Variants in CCDC88B observed in about 807,000 individuals in gnomAD.
The protein encoded by CCDC88B is coiled-coil domain-containing protein 88B.
In CCDC88B, 138 loss-of-function variants were observed where a neutral mutation model predicts 183.7. The ratio of observed to expected loss-of-function variants is 0.75; its 90% CI spans 0.65 to 0.87. The LOEUF (loss-of-function observed/expected upper bound fraction) is 0.87. Ranked by LOEUF, CCDC88B falls within the 40% of genes least tolerant of loss-of-function variation. The pLI, the probability that CCDC88B is intolerant of heterozygous loss-of-function variation, is 0.00. For missense variants in CCDC88B, 1,822 were observed against 1,965.6 expected, an observed-to-expected ratio of 0.93 and a Z score of 1.38; for synonymous variants, 835 against 867.5, an observed-to-expected ratio of 0.96 and a Z score of 0.66.
At chr11:64,345,355 C>T (rs989586848) in intron 14 of CCDC88B, among the ~76,000 whole-genome samples, 198 bp downstream of exon 14, 8 of 152,096 alleles carry the variant, frequency 5.3e-5, no homozygotes, top group Admixed American at 1.3e-4. Context: ...GTGATGGGGG[C>T]GCTGTGGGAG....
chr11:64,352,247 G>A lies in CCDC88B; in HGVS notation c.3217G>A (p.Ala1073Thr). The A allele has an allele frequency of 6.2e-7, 1 of 1,605,752 alleles. No homozygotes were observed. Among genetic ancestry groups the A allele is most frequent in the South Asian group, 1.1e-5 (1 of 90,330 alleles). ...GGAGGAGACCCGCGGGCAGCAGCAG[G>A]CCCTGCTTCGGGACCACAAGGCCCT... ...SQEETRGQQQ[A>T]LLRDHKALAQ... Residue 1073 changes from alanine to threonine, a missense_variant, in exon 19 of 27, where the codon GCC becomes ACC. By Grantham distance (58) the Ala-to-Thr change is moderately conservative. Coordinates refer to ENST00000356786, the MANE Select transcript of CCDC88B (RefSeq NM_032251.6).
At position 64,341,296 on chromosome 11, in the gene CCDC88B, G is replaced by A. The variant is rs567118296; in HGVS notation, c.415G>A (p.Val139Ile). 3.7e-6 allele frequency: 6 copies of A among 1,614,118 alleles called. No homozygotes were observed. The highest frequency in any genetic ancestry group is 1.3e-5 in the African/African-American group (1 of 75,014). Residue 139 changes from valine to isoleucine, a missense_variant, in exon 5 of 27, where the codon GTT becomes ATT. Val to Ile is a conservative substitution (Grantham distance 29, BLOSUM62 3). Transcript: ENST00000356786. ...SEEAVEQLEG[V>I]LRLLLGASVQ... ...AGAAGCGGTGGAGCAGCTGGAAGGC[G>A]TTCTTCGGCTACTGTTGGGAGCGTC...
In CCDC88B at chr11:64,344,458, G is replaced by C. The variant is rs765250554; in HGVS notation, c.1917G>C (p.Trp639Cys). 1 of 1,594,604 alleles carries C rather than the reference G, an allele frequency of 6.3e-7. No individual in the cohort carries two copies. Among genetic ancestry groups the C allele is most frequent in the African/African-American group, 1.4e-5 (1 of 73,904 alleles). Reference protein sequence around the residue: ...APQGELVPEAWGLRQEGPEHK... With the variant: ...APQGELVPEACGLRQEGPEHK... ...AAGGCGAGTTGGTGCCTGAGGCCTG[G>C]GGGTTGAGACAGGAGGGCCCTGAGC... Residue 639 changes from tryptophan (W) to cysteine (C), a missense_variant, in exon 14 of 27, where the codon TGG becomes TGC. Coordinates refer to ENST00000356786, the MANE Select transcript of CCDC88B (RefSeq NM_032251.6). This position sits in a 1 kb window ranked among gnomAD's most constrained non-coding sequence, Gnocchi z 4.5.
chr11:64,340,820 C>T, intron 2 of CCDC88B, 68 bp downstream of exon 2: 1 of 1,548,462 alleles, frequency 6.5e-7, no homozygotes, highest in Non-Finnish European at 8.7e-7. Context: ...GTGGGCGGAG[C>T]CTGATGCTCA....
rs942590861 is a variant in CCDC88B at position 64,340,401 on chromosome 11, G to A, written c.60+75G>A. ...AGGGGCTGGTGTTGGCGCTGGCCGG[G>A]GGAGGGTGAGGCAGAACCAGGCCGG... On this transcript the variant is annotated intron_variant, in intron 1 of 26. Transcript: ENST00000356786. 1.1e-4 allele frequency: 143 copies of A among 1,286,328 alleles called. No homozygotes were observed. In the African/African-American group the frequency reaches 1.9e-3, roughly 17 times the overall value. 79.7% of individuals were successfully genotyped at this position (1,286,328 alleles called of 1,614,324 possible).
chr11:64,346,446 T>TC (rs1287019161), intron 14 of CCDC88B, among the ~76,000 whole-genome samples: 2 of 150,914 alleles, frequency 1.3e-5, no homozygotes, highest in African/African-American at 2.4e-5. Flanking sequence ...TTTTTGTATT[T>TC]TTTTTTTTTT....
intron 12 of CCDC88B, 52 bp from the exon 13 acceptor site, chr11:64,343,726 G>T: frequency 6.5e-7 from 1 of 1,528,982 alleles, no homozygotes; most frequent in Admixed American, 2.0e-5. Flanking sequence ...GGGTGTGTAT[G>T]TGAGGAGCCA....
At chr11:64,341,926 TG>T (rs1270247562) in intron 7 of CCDC88B, 67 bp from the exon 8 acceptor site, 2 of 1,502,902 alleles carry the variant, frequency 1.3e-6, no homozygotes, top group African/African-American at 2.8e-5. Flanking sequence ...TGTCTGGTGT[TG>T]TGGTTGGGGG....
chr11:64,342,875 G>C (rs1342672633), intron 10 of CCDC88B, 195 bp downstream of exon 10: 143 of 548,990 alleles, frequency 2.6e-4, no homozygotes, highest in Middle Eastern at 2.6e-3. Flanking sequence ...GTGTAGGGGA[G>C]TGGGGGGGCT....
At chr11:64,354,226 C>G in intron 24 of CCDC88B, 56 bp downstream of exon 24, 8 of 1,276,894 alleles carry the variant, frequency 6.3e-6, no homozygotes, top group Non-Finnish European at 8.0e-6. Context: ...CTCTGTCCCC[C>G]ACCTTGGCAC....
intron 24 of CCDC88B, among the ~76,000 whole-genome samples, 184 bp downstream of exon 24, chr11:64,354,354 C>T (rs1379413470): frequency 6.6e-6 from 1 of 152,050 alleles, no homozygotes; most frequent in Non-Finnish European, 1.5e-5. Context: ...ACCCTTGGCC[C>T]ACACCTCCCT....
At position 64,340,329 on chromosome 11, in the gene CCDC88B, G is replaced by A. The variant is rs780607177; in HGVS notation, c.60+3G>A. ...TGAGTGGGAGTCTGGCTACCTGGGT[G>A]AGGGGGCAGGTGGCAGCGGGTTGGG... is the stretch of plus-strand genomic sequence containing the variant. On this transcript the variant is annotated splice_donor_region_variant and intron_variant, in intron 1 of 26. Transcript: ENST00000356786. The A allele has an allele frequency of 4.6e-6, 6 of 1,293,114 alleles. No individual in the cohort carries two copies. The highest frequency in any genetic ancestry group is 1.5e-5 in the African/African-American group (1 of 65,232). 80.1% of individuals were successfully genotyped at this position (1,293,114 alleles called of 1,614,324 possible). A position where few individuals can be genotyped will look rare whatever the true frequency, so the allele number is the denominator to read the frequency against.
In CCDC88B at chr11:64,354,129, C is replaced by G. The variant is rs778015042; in HGVS notation, c.4058C>G (p.Pro1353Arg). ...AGCACCGAGAGCCTGGGGGGCCCCCCGGAGACGGAGCTTCCTGAGGGCAGG... is the reference window on the plus strand; with the variant it reads ...AGCACCGAGAGCCTGGGGGGCCCCCGGGAGACGGAGCTTCCTGAGGGCAGG... ...AGSTESLGGP[P>R]ETELPEGREA... Residue 1353 changes from proline (P) to arginine (R), a missense_variant, in exon 24 of 27, where the codon CCG (proline) becomes CGG (arginine). By Grantham distance (103) the Pro-to-Arg change is moderately radical. Coordinates refer to ENST00000356786, the MANE Select transcript of CCDC88B (RefSeq NM_032251.6). 7.3e-7 allele frequency: 1 copy of G among 1,371,260 alleles called. No individual in the cohort carries two copies. The highest frequency in any genetic ancestry group is 3.2e-5 in the Admixed American group (1 of 31,608). 84.9% of individuals were successfully genotyped at this position (1,371,260 alleles called of 1,614,324 possible).
At position 64,345,146 on chromosome 11, in the gene CCDC88B, G is replaced by T. The variant is rs959975056; in HGVS notation, c.2605G>T (p.Ala869Ser). 1.1e-5 allele frequency: 17 copies of T among 1,542,152 alleles called. No homozygotes were observed. The highest frequency in any genetic ancestry group is 1.5e-5 in the Non-Finnish European group (17 of 1,149,630). ...EAERERREKEALQAELEKAVV... is the reference protein window; with the variant it reads ...EAERERREKESLQAELEKAVV... ...TGAGAGGGAGCGCCGGGAGAAGGAG[G>T]CCCTCCAGGCGGTAGGTCAGGTTGG... Residue 869 changes from alanine to serine, a missense_variant, in exon 14 of 27, where the codon GCC becomes TCC. Coordinates refer to ENST00000356786, the MANE Select transcript of CCDC88B (RefSeq NM_032251.6).
chr11:64,355,772 T>C (rs1156981069), intron 26 of CCDC88B, 144 bp downstream of exon 26: 1 of 721,706 alleles, frequency 1.4e-6, no homozygotes, highest in Non-Finnish European at 2.2e-6. Flanking sequence ...GCAGGGAACG[T>C]TCTGGTGTGA....
At chr11:64,352,017 A>G in intron 18 of CCDC88B, 113 bp from the exon 19 acceptor site, 1 of 1,427,986 alleles carries the variant, frequency 7.0e-7, no homozygotes, top group Non-Finnish European at 9.4e-7. Context: ...TGCCTCCTCC[A>G]CAACTCTCTC....
chr11:64,353,370 G>C lies in CCDC88B; in HGVS notation c.3707G>C (p.Ser1236Thr), dbSNP rs367993483. 9.3e-6 allele frequency: 15 copies of C among 1,613,556 alleles called. No individual in the cohort carries two copies. The highest frequency in any genetic ancestry group is 1.3e-5 in the Non-Finnish European group (15 of 1,179,980). ...TQCELLTQLR[S>T]AQEEENRQLL... is the part of the protein sequence containing the mutation. The stretch of plus-strand genomic sequence containing the variant: ...TGCCAGCTATTGACACAGCTGCGAA[G>C]TGCCCAGGAAGAGGAGAACCGGCAG... Residue 1236 changes from serine (S) to threonine (T), a missense_variant, in exon 22 of 27, where the codon AGT becomes ACT. Ser to Thr is a moderately conservative substitution (Grantham distance 58, BLOSUM62 1). Transcript: ENST00000356786.
intron 26 of CCDC88B, 32 bp downstream of exon 26, chr11:64,355,660 C>T (rs1565061696): frequency 6.4e-7 from 1 of 1,563,384 alleles, no homozygotes; most frequent in Non-Finnish European, 8.7e-7. Flanking sequence ...GAGTAGTATT[C>T]TTTGTCCTGC....
At position 64,340,659 on chromosome 11, in the gene CCDC88B, A is replaced by T. The variant is rs1176064786; in HGVS notation, c.113A>T (p.Glu38Val). The change falls in exon 2 of 27, where the codon GAA becomes GTA. Residue 38 changes from glutamate to valine, a missense_variant. By Grantham distance (121) the Glu-to-Val change is moderately radical. Coordinates refer to ENST00000356786, the MANE Select transcript of CCDC88B (RefSeq NM_032251.6). Reference sequence around the variant, plus strand: ...GAGGCGGAGGACTCGGAGGGGGAAGAAGAGGAAGAGGAGGAAGAGCCGCCC... The same window carrying T: ...GAGGCGGAGGACTCGGAGGGGGAAGTAGAGGAAGAGGAGGAAGAGCCGCCC... ...VGEAEDSEGE[E>V]EEEEEEPPLW... is the part of the protein sequence containing the mutation. 1.2e-6 allele frequency: 2 copies of T among 1,611,760 alleles called. No individual in the cohort carries two copies. The highest frequency in any genetic ancestry group is 3.3e-5 in the Admixed American group (2 of 59,986).
Sources: gnomAD v4.1 joint callset for allele counts (sites outside exome capture counted in the v4.1 genomes callset) on GRCh38, gnomAD v4.1.1 for gene constraint, Gnocchi (gnomAD v3.1) non-coding constraint, MANE v1.5 for transcripts, NCBI Gene and HGNC (gene_info 2026-07-23, HGNC 2026-07-21) for gene names.